CDH2: variants seen among roughly 807,000 people sequenced by gnomAD.
The protein encoded by CDH2 is cadherin 2.
CDH2 carries 17 observed loss-of-function variants against 92.0 expected under a neutral mutation model. The observed-to-expected ratio is 0.18, with a 90% confidence interval of 0.13 to 0.28. The LOEUF (loss-of-function observed/expected upper bound fraction) is 0.28, where lower values mean the gene tolerates loss of function less well. Ranked by LOEUF, CDH2 falls within the 10% of genes least tolerant of loss-of-function variation. CDH2 has a pLI of 1.00. For missense variants in CDH2, 862 were observed against 1,133.1 expected (o/e 0.76, Z 3.44); for synonymous variants, 419 against 415.9 (o/e 1.01, Z -0.09).
At chr18:27,959,377 C>A (rs533721805) in intron 15 of CDH2, 2 of 152,308 alleles carry the variant, frequency 1.3e-5, no homozygotes, top group Admixed American at 1.3e-4. Context: ...TCTATAAAAG[C>A]ACTCCAATTA....
At chr18:27,961,647 TA>T (rs1231681224) in intron 15 of CDH2, among the ~76,000 whole-genome samples, 1 of 152,190 alleles carries the variant, frequency 6.6e-6, no homozygotes, top group African/African-American at 2.4e-5. Context: ...GAATAGCCTT[TA>T]TAAATAAACC....
intron 1 of CDH2, among the ~76,000 whole-genome samples, chr18:28,174,060 A>G (rs2016501551): frequency 6.6e-6 from 1 of 150,912 alleles, no homozygotes; most frequent in South Asian, 2.1e-4. Context: ...TAACAAGACT[A>G]ACTAAACTAG....
intron 2 of CDH2, among the ~76,000 whole-genome samples, chr18:28,144,645 C>A (rs868318533): frequency 6.6e-6 from 1 of 152,028 alleles, no homozygotes. Flanking sequence ...TAGAAACAAC[C>A]TGTATGTTCA....
chr18:28,154,655 T>C (rs1193424703), intron 1 of CDH2, among the ~76,000 whole-genome samples: 3 of 152,314 alleles, frequency 2.0e-5, no homozygotes, highest in Non-Finnish European at 4.4e-5. Context: ...ACTACTCTTT[T>C]CGGTTCCCGT....
intron 6 of CDH2, among the ~76,000 whole-genome samples, chr18:27,944,028 CA>C (rs1478175056): frequency 2.0e-5 from 3 of 151,646 alleles, no homozygotes; most frequent in East Asian, 1.9e-4. Flanking sequence ...GAAAATGAAA[CA>C]AAAAAATTAT....
intron 7 of CDH2, among the ~76,000 whole-genome samples, chr18:27,998,053 A>G (rs1020757738): frequency 3.1e-4 from 47 of 152,124 alleles, no homozygotes; most frequent in South Asian, 1.5e-3. Flanking sequence ...TGATCCGCCC[A>G]CCTTGGCCTC....
At chr18:28,012,649 G>C (rs1175780217) in intron 3 of CDH2, among the ~76,000 whole-genome samples, 1 of 152,064 alleles carries the variant, frequency 6.6e-6, no homozygotes, top group Non-Finnish European at 1.5e-5. Flanking sequence ...TAGTTTGCTG[G>C]AACACAGCAA....
rs1449727118 is a variant in CDH2, at chr18:28,065,287, T to C, written c.173-51378A>G. ...AAGATCTAAGCTAGGGTCCCAACTC[T>C]ATCAGGCATCACAGCTGATAACCTA... is the stretch of plus-strand genomic sequence containing the variant. On this transcript the variant is annotated intron_variant, in intron 2 of 15. Coordinates refer to ENST00000269141, the MANE Select transcript of CDH2 (RefSeq NM_001792.5). Among the ~76,000 whole-genome samples, 3 of 152,136 alleles carry C rather than the reference T, an allele frequency of 2.0e-5. No individual in the cohort carries two copies. In the South Asian group the frequency reaches 6.2e-4, roughly 31 times the overall value.
intron 2 of CDH2, among the ~76,000 whole-genome samples, chr18:28,143,519 G>T (rs924153133): frequency 6.6e-5 from 10 of 151,810 alleles, no homozygotes; most frequent in African/African-American, 2.4e-4. Flanking sequence ...ATAATTGAAA[G>T]ATGCTTTTTA....
At chr18:27,984,906 T>C (rs1371187271) in intron 13 of CDH2, 94 bp downstream of exon 13, 14 of 903,852 alleles carry the variant, frequency 1.5e-5, no homozygotes, top group African/African-American at 1.2e-4. Flanking sequence ...AAAGGGTTGT[T>C]AGACTACTTT....
At chr18:28,111,941 T>C (rs952888244) in intron 2 of CDH2, among the ~76,000 whole-genome samples, 4 of 152,160 alleles carry the variant, frequency 2.6e-5, no homozygotes, top group Non-Finnish European at 5.9e-5. Context: ...CTTTTACAAG[T>C]ATACCCTCAT....
At position 28,099,384 on chromosome 18, in the gene CDH2, C is replaced by T. The variant is rs1324639878; in HGVS notation, c.172+48289G>A. Among the ~76,000 whole-genome samples, 4 of 152,090 alleles carry T rather than the reference C, an allele frequency of 2.6e-5. No homozygotes were observed. In the East Asian group the frequency reaches 5.8e-4, roughly 22 times the overall value. Reference sequence around the variant, plus strand: ...TTAACTTTCTGTGGTGATAATACTACATGAAGAGAAAATGGACTCAAGTTA... The same window carrying T: ...TTAACTTTCTGTGGTGATAATACTATATGAAGAGAAAATGGACTCAAGTTA... On this transcript the variant is annotated intron_variant, in intron 2 of 15. Coordinates refer to ENST00000269141, the MANE Select transcript of CDH2 (RefSeq NM_001792.5).
intron 2 of CDH2, among the ~76,000 whole-genome samples, chr18:28,031,918 A>C (rs1281830258): frequency 6.6e-6 from 1 of 152,014 alleles, no homozygotes; most frequent in Non-Finnish European, 1.5e-5. Flanking sequence ...GGAACATGAG[A>C]CCTTGTTTTA....
intron 2 of CDH2, among the ~76,000 whole-genome samples, chr18:28,085,335 T>C (rs2014906201): frequency 6.6e-6 from 1 of 152,030 alleles, no homozygotes; most frequent in Non-Finnish European, 1.5e-5. Context: ...CCAACTCAAA[T>C]ATATTGAGAA....
rs1467594732 is a variant in CDH2, at chr18:27,982,954, T to C, written c.2339A>G (p.Glu780Gly). Residue 780 changes from glutamate to glycine, a missense_variant, in exon 14 of 16, where the codon GAA (glutamate) becomes GGA (glycine). By Grantham distance (98) the Glu-to-Gly change is moderately conservative. Coordinates refer to ENST00000269141, the MANE Select transcript of CDH2 (RefSeq NM_001792.5). ...TAAAGCACTGCTCACCTGGTCTTCTTCTCCTCCACCTTCTTCATCATATTT... is the reference window on the plus strand; with the variant it reads ...TAAAGCACTGCTCACCTGGTCTTCTCCTCCTCCACCTTCTTCATCATATTT... ...ILKYDEEGGG[E>G]EDQDYDLSQL... 6.3e-7 allele frequency: 1 copy of C among 1,598,004 alleles called. No individual in the cohort carries two copies. The highest frequency in any genetic ancestry group is 1.7e-5 in the Admixed American group (1 of 58,498).
At chr18:28,046,657 TA>T (rs1239313577) in intron 2 of CDH2, among the ~76,000 whole-genome samples, 1 of 152,218 alleles carries the variant, frequency 6.6e-6, no homozygotes, top group African/African-American at 2.4e-5. Flanking sequence ...CAGACCTGAA[TA>T]AAATCTATGT....
intron 2 of CDH2, among the ~76,000 whole-genome samples, chr18:28,052,423 T>C (rs542586080): frequency 6.6e-6 from 1 of 152,218 alleles, no homozygotes; most frequent in Non-Finnish European, 1.5e-5. Context: ...TCCTTTGTCA[T>C]TGAAGAGTAT....
chr18:28,060,676 A>C (rs1312109685), intron 2 of CDH2, among the ~76,000 whole-genome samples: 1 of 152,184 alleles, frequency 6.6e-6, no homozygotes, highest in Non-Finnish European at 1.5e-5. Flanking sequence ...CTTGTTAGTA[A>C]CTAAGTTGGC....
chr18:27,976,837 AAT>A (rs2011847756), intron 14 of CDH2, among the ~76,000 whole-genome samples: 1 of 152,202 alleles, frequency 6.6e-6, no homozygotes, highest in Admixed American at 6.5e-5. Context: ...AAATGTTTGT[AAT>A]TAAGTCTAAG....
Sources: gnomAD v4.1 joint callset for allele counts (sites outside exome capture counted in the v4.1 genomes callset) on GRCh38, gnomAD v4.1.1 for gene constraint, MANE v1.5 for transcripts, NCBI Gene and HGNC (gene_info 2026-07-23, HGNC 2026-07-21) for gene names.